The following PCDHGA3 variants were observed in gnomAD, a reference collection of about 807,000 sequenced individuals.
The protein encoded by PCDHGA3 is protocadherin gamma subfamily A, 3.
PCDHGA3 carries 40 observed loss-of-function variants against 58.5 expected under a neutral mutation model. The observed-to-expected ratio is 0.68, with a 90% CI of 0.53 to 0.89. PCDHGA3 has a LOEUF of 0.89. PCDHGA3 is among the 40% of genes least tolerant of loss of function. The pLI, the probability that PCDHGA3 is intolerant of heterozygous loss-of-function variation, is 0.00. For synonymous variants in PCDHGA3, 530 were observed against 525.7 expected, an observed-to-expected ratio of 1.01 and a Z score of -0.11; for missense variants, 1,223 against 1,195.9, an observed-to-expected ratio of 1.02 and a Z score of -0.33.
Position 141,454,796 on chromosome 5 carries a change from A to ATTTTTTTTTTTTT in PCDHGA3, c.2425-39994_2425-39982dup, listed in dbSNP as rs61612330. On this transcript the variant is annotated intron_variant, in intron 1 of 3. Coordinates refer to ENST00000253812, the MANE Select transcript of PCDHGA3 (RefSeq NM_018916.4). ...AAGGAAATAATCCTCCATGGTTCTAATTTTTTTTTTTTTTTTTTTTTTTTT... is the reference window on the plus strand; with the variant it reads ...AAGGAAATAATCCTCCATGGTTCTAATTTTTTTTTTTTTTTTTTTTTTTTTTTTTTTTTTTTTT... Among the ~76,000 whole-genome samples the ATTTTTTTTTTTTT allele has an allele frequency of 1.7e-3, 135 of 77,462 alleles. 8 individuals carry two copies. The highest frequency in any genetic ancestry group is 2.5e-3 in the Admixed American group (14 of 5,554). The allele number at this position is 77,462 out of a possible 152,430, so 50.8% of individuals were successfully genotyped here.
intron 1 of PCDHGA3, chr5:141,384,968 C>T (rs1345751127): frequency 1.2e-6 from 2 of 1,613,962 alleles, no homozygotes; most frequent in East Asian, 2.2e-5. Context: ...TATGACCTCA[C>T]GTTGTACCTG....
At chr5:141,365,272 C>A in intron 1 of PCDHGA3, 1 of 1,613,984 alleles carries the variant, frequency 6.2e-7, no homozygotes, top group Non-Finnish European at 8.5e-7. Context: ...AATCCAGATT[C>A]TACCTCATGG....
Position 141,477,020 on chromosome 5 carries a change from G to C in PCDHGA3, c.2425-17787G>C, listed in dbSNP as rs1383192345. The C allele has an allele frequency of 6.2e-7, 1 of 1,614,224 alleles. No homozygotes were observed. The highest frequency in any genetic ancestry group is 8.5e-7 in the Non-Finnish European group (1 of 1,180,048). On this transcript the variant is annotated intron_variant, in intron 1 of 3. Coordinates refer to ENST00000253812, the MANE Select transcript of PCDHGA3 (RefSeq NM_018916.4). The surrounding 1 kb of genome is among the most constrained non-coding windows in gnomAD (Gnocchi z 4.9). ...ACTATTCGCCTTAGACCTTGTAACC[G>C]GGATGCTGACAATCAAGGGTCGGCT...
At chr5:141,481,860 G>A (rs1379910129) in intron 1 of PCDHGA3, among the ~76,000 whole-genome samples, 1 of 148,492 alleles carries the variant, frequency 6.7e-6, no homozygotes, top group Non-Finnish European at 1.5e-5. Context: ...GTTGCAGTGA[G>A]CCGAGATCGC....
At chr5:141,430,985 G>T (rs773308629) in intron 1 of PCDHGA3, 4 of 1,613,780 alleles carry the variant, frequency 2.5e-6, no homozygotes, top group Non-Finnish European at 3.4e-6. Flanking sequence ...GCAGCTTTTC[G>T]CCCTGAATCC....
In PCDHGA3 at chr5:141,432,115, C is replaced by G. The variant is rs753088299; in HGVS notation, c.2425-62692C>G. On this transcript the variant is annotated intron_variant, in intron 1 of 3. Transcript: ENST00000253812. This position sits in a 1 kb window ranked among gnomAD's most constrained non-coding sequence, Gnocchi z 6.0. ...ACACCAACGACAACCCGCCGGTCTT[C>G]CCTCAGGCCTCCTATTCCGCTTATA... The G allele has an allele frequency of 1.2e-5, 20 of 1,614,178 alleles. No individual in the cohort carries two copies. Among genetic ancestry groups the G allele is most frequent in the Non-Finnish European group, 1.6e-5 (19 of 1,180,050 alleles).
In PCDHGA3 at chr5:141,371,266, T is replaced by C; in HGVS notation, c.2424+24809T>C. ...AATATTGGCAAGGAAGTGAGACAACTGTTCAAGCTGGACAGTAAAACGGGG... is the reference window on the plus strand; with the variant it reads ...AATATTGGCAAGGAAGTGAGACAACCGTTCAAGCTGGACAGTAAAACGGGG... On this transcript the variant is annotated intron_variant, in intron 1 of 3. Transcript: ENST00000253812. 6.2e-7 allele frequency: 1 copy of C among 1,614,030 alleles called. No individual in the cohort carries two copies. Among genetic ancestry groups the C allele is most frequent in the East Asian group, 2.2e-5 (1 of 44,884 alleles).
At chr5:141,478,443 C>T (rs2099456258) in intron 1 of PCDHGA3, 3 of 1,613,494 alleles carry the variant, frequency 1.9e-6, no homozygotes, top group Admixed American at 1.7e-5. Flanking sequence ...CTGAAGAAAC[C>T]TGGTGCAGCC....
chr5:141,395,036 G>C, intron 1 of PCDHGA3: 2 of 1,614,110 alleles, frequency 1.2e-6, no homozygotes, highest in South Asian at 1.1e-5. Context: ...CACATTTTGT[G>C]GGTGTTGAGG....
chr5:141,370,889 T>C, intron 1 of PCDHGA3: 4 of 1,614,040 alleles, frequency 2.5e-6, no homozygotes, highest in Non-Finnish European at 3.4e-6. Context: ...TAGGTGTCAA[T>C]TCGCTGCAGC....
intron 1 of PCDHGA3, chr5:141,361,783 G>A (rs375966726): frequency 7.7e-5 from 125 of 1,613,126 alleles, no homozygotes; most frequent in Admixed American, 3.0e-4. Flanking sequence ...GAGCCTGCGC[G>A]TGTTAGTGGG....
intron 1 of PCDHGA3, chr5:141,366,795 T>A (rs1054610187): frequency 3.2e-6 from 5 of 1,567,382 alleles, no homozygotes; most frequent in Non-Finnish European, 4.3e-6. Flanking sequence ...CATTTTCATT[T>A]GTTTCCTTTT....
At position 141,409,547 on chromosome 5, in the gene PCDHGA3, G is replaced by T. The variant is rs760802690; in HGVS notation, c.2424+63090G>T. Reference sequence around the variant, plus strand: ...GTATGTCGCTGACATCAACGACAACGCCCCAGTTTTCGACCAGACGTCCTA... The same window carrying T: ...GTATGTCGCTGACATCAACGACAACTCCCCAGTTTTCGACCAGACGTCCTA... On this transcript the variant is annotated intron_variant, in intron 1 of 3. Coordinates refer to ENST00000253812, the MANE Select transcript of PCDHGA3 (RefSeq NM_018916.4). The T allele has an allele frequency of 2.4e-5, 39 of 1,613,818 alleles. No individual in the cohort carries two copies. The highest frequency in any genetic ancestry group is 3.1e-5 in the Non-Finnish European group (36 of 1,179,900).
intron 1 of PCDHGA3, chr5:141,492,015 G>A (rs117345436): frequency 3.3e-6 from 2 of 600,492 alleles, no homozygotes; most frequent in African/African-American, 1.9e-5. Context: ...CGCGGGTGTC[G>A]GGGGTCCCGG....
chr5:141,372,242 G>C (rs965293763), intron 1 of PCDHGA3: 3 of 1,613,274 alleles, frequency 1.9e-6, no homozygotes, highest in Non-Finnish European at 2.5e-6. Context: ...AGCCCGGGCT[G>C]TTCAGCCTGG....
rs193144866 is a variant in PCDHGA3 at position 141,382,042 on chromosome 5, T to C, written c.2424+35585T>C. ...CGGGGTTTCTCCATGTTGGTCAGGC[T>C]GGTCTCAAGCTCCCGACCTCAGGTG... On this transcript the variant is annotated intron_variant, in intron 1 of 3. Coordinates refer to ENST00000253812, the MANE Select transcript of PCDHGA3 (RefSeq NM_018916.4). 9.8e-3 allele frequency among the ~76,000 whole-genome samples: 1,492 copies of C among 152,104 alleles called. 23 individuals carry two copies. Among genetic ancestry groups the C allele is most frequent in the African/African-American group, 0.034 (1,390 of 41,456 alleles).
At chr5:141,360,925 G>T in intron 1 of PCDHGA3, 1 of 1,614,018 alleles carries the variant, frequency 6.2e-7, no homozygotes, top group Non-Finnish European at 8.5e-7. Flanking sequence ...TGTGCTTCAA[G>T]TGACAGCCAC....
chr5:141,447,225 C>T (rs966197293), intron 1 of PCDHGA3, among the ~76,000 whole-genome samples: 9 of 151,960 alleles, frequency 5.9e-5, no homozygotes, highest in African/African-American at 7.3e-5. Flanking sequence ...CTGCAACCTC[C>T]GCCTCCCGGG....
chr5:141,505,523 G>A, intron 3 of PCDHGA3, 42 bp downstream of exon 3: 1 of 1,612,760 alleles, frequency 6.2e-7, no homozygotes, highest in Middle Eastern at 1.7e-4. Flanking sequence ...GGGAGACCTG[G>A]GGTTCTGGGG....
Sources: allele counts gnomAD v4.1 joint callset (sites outside exome capture counted in the v4.1 genomes callset), GRCh38; gene constraint gnomAD v4.1.1; non-coding constraint Gnocchi (gnomAD v3.1); transcripts MANE v1.5; gene names NCBI Gene and HGNC (gene_info 2026-07-23, HGNC 2026-07-21).